Variants in KLF9 observed in about 807,000 individuals in gnomAD.
KLF9 encodes the protein KLF transcription factor 9.
Under a neutral mutation model 17.3 loss-of-function variants are expected in KLF9, and 2 were observed. That is an observed-to-expected ratio of 0.12 (90% confidence interval 0.05 to 0.36). KLF9 has a LOEUF of 0.36. KLF9 is among the 10% of genes least tolerant of loss of function. The pLI, the probability that KLF9 is intolerant of heterozygous loss-of-function variation, is 1.00. For synonymous variants in KLF9, 138 were observed against 139.2 expected, an observed-to-expected ratio of 0.99 and a Z score of 0.06; for missense variants, 226 against 333.2, an observed-to-expected ratio of 0.68 and a Z score of 2.51.
intron 1 of KLF9, among the ~76,000 whole-genome samples, chr9:70,396,484 A>T (rs1444846291): frequency 6.6e-6 from 1 of 152,122 alleles, no homozygotes. Context: ...GAGAGAAAAA[A>T]ATCCTGTTGC....
intron 1 of KLF9, among the ~76,000 whole-genome samples, chr9:70,412,096 A>G (rs927572719): frequency 1.4e-5 from 2 of 143,764 alleles, no homozygotes; most frequent in Non-Finnish European, 3.0e-5. Context: ...ACCGCCCAAC[A>G]TTCATTACCA....
chr9:70,412,412 G>A (rs77667155), intron 1 of KLF9, among the ~76,000 whole-genome samples: 3,784 of 152,172 alleles, frequency 0.025, 45 homozygotes, highest in South Asian at 0.028. Flanking sequence ...TCCCTAAAAG[G>A]CTCGAAGTAA....
Position 70,390,632 on chromosome 9 carries a change from T to TACACACACAC in KLF9, c.506-2637_506-2628dup, listed in dbSNP as rs375788345. 3.2e-3 allele frequency among the ~76,000 whole-genome samples: 483 copies of TACACACACAC among 151,016 alleles called. 4 individuals are homozygous for TACACACACAC. The highest frequency in any genetic ancestry group is 0.011 in the African/African-American group (441 of 41,126). ...AAGCATTTGGTAAATGCTCAAACTT[T>TACACACACAC]ACACACACACACACACATACACACA... On this transcript the variant is annotated intron_variant, in intron 1 of 1. Coordinates refer to ENST00000377126, the MANE Select transcript of KLF9 (RefSeq NM_001206.4).
At chr9:70,394,922 T>C (rs945978060) in intron 1 of KLF9, among the ~76,000 whole-genome samples, 2 of 152,220 alleles carry the variant, frequency 1.3e-5, no homozygotes, top group Admixed American at 6.5e-5. Flanking sequence ...TACAAATTCA[T>C]CTACGGAATT....
rs1430545155 is a variant in KLF9, at chr9:70,384,899, T to C, written c.*2877A>G. ...AGTTTCTGTAATTGTAACTACCAAA[T>C]AGAATTCTCAAGAGAAGCATGATGT... On this transcript the variant is annotated 3_prime_UTR_variant, in exon 2 of 2. Coordinates refer to ENST00000377126, the MANE Select transcript of KLF9 (RefSeq NM_001206.4). 6.6e-6 allele frequency: 1 copy of C among 152,578 alleles called. No individual in the cohort carries two copies. The highest frequency in any genetic ancestry group is 6.5e-5 in the Admixed American group (1 of 15,278). 9.5% of individuals were successfully genotyped at this position (152,578 alleles called of 1,614,324 possible). A position where few individuals can be genotyped will look rare whatever the true frequency, so the allele number is the denominator to read the frequency against.
chr9:70,402,011 C>CA (rs545165667), intron 1 of KLF9, among the ~76,000 whole-genome samples: 2 of 147,870 alleles, frequency 1.4e-5, no homozygotes, highest in African/African-American at 2.5e-5. Context: ...GAGACTGTCT[C>CA]AAAAAAAATA....
Position 70,398,270 on chromosome 9 carries a change from G to A in KLF9, c.506-10265C>T, listed in dbSNP as rs897292646. Among the ~76,000 whole-genome samples the A allele has an allele frequency of 3.3e-5, 5 of 152,070 alleles. No homozygotes were observed. In the East Asian group the frequency reaches 7.7e-4, roughly 24 times the overall value. ...TGAGATTTTACTTCCGGATCTCTGT[G>A]TTTATCTGTAGAAAGCAACTTGTCC... On this transcript the variant is annotated intron_variant, in intron 1 of 1. Transcript: ENST00000377126.
At chr9:70,396,700 G>A (rs79333581) in intron 1 of KLF9, among the ~76,000 whole-genome samples, 3,665 of 152,198 alleles carry the variant, frequency 0.024, 128 homozygotes, top group African/African-American at 0.083. Flanking sequence ...CTACCAGTGA[G>A]GAGATAAAGA....
In KLF9 at chr9:70,386,596, A is replaced by G. The variant is rs1374555379; in HGVS notation, c.*1180T>C. On this transcript the variant is annotated 3_prime_UTR_variant, in exon 2 of 2. Transcript: ENST00000377126. ...TTTGTAGGAACACAGGAAGGAGACC[A>G]ACAAACCTTTTTCCCCAAAAAATAG... The G allele has an allele frequency of 1.3e-5, 2 of 152,644 alleles. No individual in the cohort carries two copies. The highest frequency in any genetic ancestry group is 2.4e-5 in the African/African-American group (1 of 41,462). The allele number at this position is 152,644 out of a possible 1,614,324, so 9.5% of individuals were successfully genotyped here.
At chr9:70,409,161 C>CATATATGTATATATGTGTGTATATATAT (rs1564089389) in intron 1 of KLF9, among the ~76,000 whole-genome samples, 4 of 55,782 alleles carry the variant, frequency 7.2e-5, no homozygotes, top group Non-Finnish European at 8.1e-5. Context: ...TATATATATA[C>CATATATGTATATATGTGTGTATATATAT]ACATATATGT....
chr9:70,401,685 A>AC (rs2037222837), intron 1 of KLF9, among the ~76,000 whole-genome samples: 1 of 112,970 alleles, frequency 8.9e-6, no homozygotes, highest in South Asian at 3.2e-4. Context: ...AGACTCCTTC[A>AC]CAAAAAAAAA....
At chr9:70,412,798 C>G (rs141409830) in intron 1 of KLF9, 61 bp downstream of exon 1, 718 of 1,495,410 alleles carry the variant, frequency 4.8e-4, no homozygotes, top group Non-Finnish European at 6.0e-4. Context: ...CGCCCAGGAA[C>G]GCTGCCTGGC....
chr9:70,409,713 A>C (rs1056120771), intron 1 of KLF9, among the ~76,000 whole-genome samples: 6 of 152,242 alleles, frequency 3.9e-5, no homozygotes, highest in Non-Finnish European at 5.9e-5. Context: ...AAAAGTCTGG[A>C]AACAGGAAAA....
At position 70,413,427 on chromosome 9, in the gene KLF9, C is replaced by G. The variant is rs1268430332; in HGVS notation, c.-64G>C. The G allele has an allele frequency of 7.1e-7, 1 of 1,408,500 alleles. No individual in the cohort carries two copies. Among genetic ancestry groups the G allele is most frequent in the Non-Finnish European group, 9.2e-7 (1 of 1,086,680 alleles). 87.3% of individuals were successfully genotyped at this position (1,408,500 alleles called of 1,614,324 possible). On this transcript the variant is annotated 5_prime_UTR_variant, in exon 1 of 2. Coordinates refer to ENST00000377126, the MANE Select transcript of KLF9 (RefSeq NM_001206.4). The surrounding 1 kb of genome is among the most constrained non-coding windows in gnomAD (Gnocchi z 5.6). ...TGGCGGTGGCTGCGGAGGTTCGGCT[C>G]GCCCTGCCCTGGCCTCGGACGACGA...
At position 70,409,100 on chromosome 9, in the gene KLF9, A is replaced by ATG. The variant is rs551462905; in HGVS notation, c.505+3757_505+3758dup. On this transcript the variant is annotated intron_variant, in intron 1 of 1. Coordinates refer to ENST00000377126, the MANE Select transcript of KLF9 (RefSeq NM_001206.4). ...TATATATACACATATATGTATATAT[A>ATG]TGTGTATATATATACATATATGTAT... Among the ~76,000 whole-genome samples, 63 of 69,134 alleles carry ATG rather than the reference A, an allele frequency of 9.1e-4. 8 individuals are homozygous for ATG. The highest frequency in any genetic ancestry group is 1.8e-3 in the Non-Finnish European group (45 of 25,114). The allele number at this position is 69,134 out of a possible 152,430, so 45.4% of individuals were successfully genotyped here. A position where few individuals can be genotyped will look rare whatever the true frequency, so the allele number is the denominator to read the frequency against.
At chr9:70,391,840 T>C (rs545138295) in intron 1 of KLF9, among the ~76,000 whole-genome samples, 1 of 152,318 alleles carries the variant, frequency 6.6e-6, no homozygotes, top group Admixed American at 6.5e-5. Context: ...TTATATGAAA[T>C]TAAAATTTCC....
In KLF9 at chr9:70,387,846, G is replaced by T; in HGVS notation, c.665C>A (p.Ala222Asp). The change falls in exon 2 of 2, where the codon GCC becomes GAC. Residue 222 changes from alanine (A) to aspartate (D), a missense_variant. Transcript: ENST00000377126. ...FMRSDHLTKH[A>D]RRHTEFHPSM... ...GGGGTGGAACTCGGTGTGCCGCCGG[G>T]CGTGCTTTGTGAGGTGGTCACTCCT... is the stretch of plus-strand genomic sequence containing the variant. The T allele has an allele frequency of 6.2e-7, 1 of 1,612,830 alleles. No individual in the cohort carries two copies. The highest frequency in any genetic ancestry group is 8.5e-7 in the Non-Finnish European group (1 of 1,179,716).
intron 1 of KLF9, among the ~76,000 whole-genome samples, chr9:70,393,475 C>G (rs746377196): frequency 9.2e-5 from 14 of 152,228 alleles, no homozygotes; most frequent in Admixed American, 2.6e-4. Flanking sequence ...CAGGCTGCCA[C>G]TGAAGTCCTG....
At chr9:70,388,132 C>G (rs1440761750) in intron 1 of KLF9, 127 bp from the exon 2 acceptor site, 20 of 750,558 alleles carry the variant, frequency 2.7e-5, no homozygotes, top group Admixed American at 1.5e-4. Context: ...ATGTGTCCCC[C>G]TCCCCAAAAT....
Sources: gnomAD v4.1 joint callset for allele counts (sites outside exome capture counted in the v4.1 genomes callset) on GRCh38, gnomAD v4.1.1 for gene constraint, Gnocchi (gnomAD v3.1) non-coding constraint, MANE v1.5 for transcripts, NCBI Gene and HGNC (gene_info 2026-07-23, HGNC 2026-07-21) for gene names.